Variants in KLHL29 observed in about 807,000 individuals in gnomAD.
The protein encoded by KLHL29 is kelch like family member 29.
KLHL29 carries 21 observed loss-of-function variants against 80.4 expected under a neutral mutation model. That is an observed-to-expected ratio of 0.26 (90% CI 0.19 to 0.38). The LOEUF is 0.38. Ranked by LOEUF, KLHL29 falls within the 10% of genes least tolerant of loss-of-function variation. KLHL29 has a pLI of 1.00. For synonymous variants in KLHL29, 511 were observed against 526.8 expected, an observed-to-expected ratio of 0.97 and a Z score of 0.41; for missense variants, 867 against 1,223.9, an observed-to-expected ratio of 0.71 and a Z score of 4.35.
chr2:23,536,966 T>G (rs1423451866), intron 2 of KLHL29, among the ~76,000 whole-genome samples: 1 of 151,706 alleles, frequency 6.6e-6, no homozygotes, highest in Non-Finnish European at 1.5e-5. Context: ...TCTCGCTCTC[T>G]CTCCTTCAGG....
At chr2:23,528,838 G>A (rs189949100) in intron 2 of KLHL29, among the ~76,000 whole-genome samples, 18 of 152,302 alleles carry the variant, frequency 1.2e-4, no homozygotes, top group African/African-American at 4.1e-4. Flanking sequence ...AGCCTGACTC[G>A]CAGTGCTATC....
intron 1 of KLHL29, among the ~76,000 whole-genome samples, chr2:23,393,666 G>A (rs80037936): frequency 0.013 from 1,996 of 152,258 alleles, 21 homozygotes; most frequent in Non-Finnish European, 0.02. Context: ...CTCGAGATGG[G>A]TGTGAATAGA....
In KLHL29 at chr2:23,554,431, G is replaced by A. The variant is rs910813070; in HGVS notation, c.-45-7721G>A. The stretch of plus-strand genomic sequence containing the variant: ...CTCGGCTTCCCTATCTGGAGACAGC[G>A]CGGGTCCCCTGCCTTCCTGTGGATT... On this transcript the variant is annotated intron_variant, in intron 2 of 13. Transcript: ENST00000486442. Among the ~76,000 whole-genome samples, 10 of 152,288 alleles carry A rather than the reference G, an allele frequency of 6.6e-5. No individual in the cohort carries two copies. The South Asian group carries it at 1.5e-3, about 22-fold the overall frequency.
At chr2:23,404,385 C>T (rs748523713) in intron 1 of KLHL29, among the ~76,000 whole-genome samples, 4 of 150,690 alleles carry the variant, frequency 2.7e-5, no homozygotes, top group East Asian at 1.9e-4. Flanking sequence ...AAGTTAGACA[C>T]GCCGAAGTGA....
chr2:23,606,909 A>T (rs1166953717), intron 3 of KLHL29, among the ~76,000 whole-genome samples: 1 of 152,206 alleles, frequency 6.6e-6, no homozygotes, highest in African/African-American at 2.4e-5. Flanking sequence ...GTCCTGGAAG[A>T]TGAGAAACCC....
chr2:23,517,277 G>A (rs938833636), intron 2 of KLHL29, among the ~76,000 whole-genome samples: 1 of 152,256 alleles, frequency 6.6e-6, no homozygotes, highest in Non-Finnish European at 1.5e-5. Flanking sequence ...GGGCGCGGTG[G>A]CTCACGCCTG....
At chr2:23,428,908 T>A (rs1663081451) in intron 1 of KLHL29, among the ~76,000 whole-genome samples, 1 of 152,086 alleles carries the variant, frequency 6.6e-6, no homozygotes, top group African/African-American at 2.4e-5. Context: ...GGACAATATA[T>A]AGAAAGTTCT....
chr2:23,407,699 C>T lies in KLHL29; in HGVS notation c.-154+21919C>T, dbSNP rs115744119. Among the ~76,000 whole-genome samples, 361 of 152,126 alleles carry T rather than the reference C, an allele frequency of 2.4e-3. 1 individual carries two copies. The highest frequency in any genetic ancestry group is 8.3e-3 in the African/African-American group (344 of 41,514). ...TCCCCATCCTGGCTTTGGATATCTG[C>T]GCAGTTGCATTTTCTTCTAATTGTT... is the stretch of plus-strand genomic sequence containing the variant. On this transcript the variant is annotated intron_variant, in intron 1 of 13. Coordinates refer to ENST00000486442, the MANE Select transcript of KLHL29 (RefSeq NM_052920.2).
rs1371519435 is a variant in KLHL29 at position 23,684,790 on chromosome 2, TGCCAGCA to T, written c.1079+255_1079+261del. ...AGCTTTGCTGGTCACCAGGGGCCTC[TGCCAGCA>T]GTAGACAACACCGTGCCCCACCCCT... On this transcript the variant is annotated intron_variant, in intron 6 of 13. Coordinates refer to ENST00000486442, the MANE Select transcript of KLHL29 (RefSeq NM_052920.2). This position sits in a 1 kb window ranked among gnomAD's most constrained non-coding sequence, Gnocchi z 4.4. Among the ~76,000 whole-genome samples the T allele has an allele frequency of 3.9e-5, 6 of 152,114 alleles. No individual in the cohort carries two copies. The highest frequency in any genetic ancestry group is 8.8e-5 in the Non-Finnish European group (6 of 68,016).
intron 1 of KLHL29, among the ~76,000 whole-genome samples, chr2:23,453,049 C>T (rs1291318140): frequency 2.6e-5 from 4 of 151,346 alleles, no homozygotes; most frequent in African/African-American, 7.3e-5. Flanking sequence ...CCTGAGAGAC[C>T]GTAAACTTCT....
chr2:23,600,431 A>G (rs1024955611), intron 3 of KLHL29, among the ~76,000 whole-genome samples: 1 of 152,172 alleles, frequency 6.6e-6, no homozygotes, highest in African/African-American at 2.4e-5. Flanking sequence ...AGACTCAGCG[A>G]CTGTAGCTGC....
intron 1 of KLHL29, among the ~76,000 whole-genome samples, chr2:23,432,334 C>T (rs1349431777): frequency 6.6e-6 from 1 of 152,204 alleles, no homozygotes. Context: ...TCAAATTTTG[C>T]CCTACGAGCA....
At chr2:23,612,209 CAG>C (rs1241396627) in intron 3 of KLHL29, among the ~76,000 whole-genome samples, 2 of 152,046 alleles carry the variant, frequency 1.3e-5, no homozygotes, top group Non-Finnish European at 2.9e-5. Flanking sequence ...AAATTAAAGA[CAG>C]AGAAAAATCT....
At chr2:23,508,844 A>G (rs570615417) in intron 2 of KLHL29, among the ~76,000 whole-genome samples, 6 of 152,216 alleles carry the variant, frequency 3.9e-5, no homozygotes, top group Non-Finnish European at 7.3e-5. Flanking sequence ...ACAGCCTAGC[A>G]CAGCAAAAGG....
At chr2:23,652,486 A>G (rs1015594995) in intron 5 of KLHL29, among the ~76,000 whole-genome samples, 4 of 152,154 alleles carry the variant, frequency 2.6e-5, no homozygotes, top group African/African-American at 9.7e-5. Flanking sequence ...AGGATGGCAG[A>G]ATTTCCTTTT....
chr2:23,420,929 GCCT>G (rs1048461747), intron 1 of KLHL29, among the ~76,000 whole-genome samples: 4 of 152,080 alleles, frequency 2.6e-5, no homozygotes, highest in Non-Finnish European at 5.9e-5. Flanking sequence ...AGCCCTGGCT[GCCT>G]CCTCCTCCTC....
At chr2:23,566,141 T>C (rs1667584362) in intron 3 of KLHL29, among the ~76,000 whole-genome samples, 2 of 152,234 alleles carry the variant, frequency 1.3e-5, no homozygotes, top group African/African-American at 2.4e-5. Flanking sequence ...GTCTGTGGCC[T>C]AAAGATTCCT....
intron 3 of KLHL29, among the ~76,000 whole-genome samples, chr2:23,588,119 C>G (rs1047471082): frequency 6.6e-6 from 1 of 152,218 alleles, no homozygotes; most frequent in Non-Finnish European, 1.5e-5. Flanking sequence ...TGGGCTTGCC[C>G]CTGCCCTGTG....
At chr2:23,447,721 C>G (rs981270195) in intron 1 of KLHL29, among the ~76,000 whole-genome samples, 3 of 152,154 alleles carry the variant, frequency 2.0e-5, no homozygotes, top group Non-Finnish European at 4.4e-5. Flanking sequence ...AGAAAAGGCT[C>G]TGCAAACAGG....
Sources: allele counts gnomAD v4.1 joint callset (sites outside exome capture counted in the v4.1 genomes callset), GRCh38; gene constraint gnomAD v4.1.1; non-coding constraint Gnocchi (gnomAD v3.1); transcripts MANE v1.5; gene names NCBI Gene and HGNC (gene_info 2026-07-23, HGNC 2026-07-21).